Variants in RASSF3 observed in about 807,000 individuals in gnomAD.
RASSF3 encodes the protein ras association domain-containing protein 3.
Under a neutral mutation model 19.9 loss-of-function variants are expected in RASSF3, and 19 were observed. That is an observed-to-expected ratio of 0.96 (90% confidence interval 0.67 to 1.40). The LOEUF is 1.40. Ranked by LOEUF, RASSF3 falls within the 40% of genes most tolerant of loss-of-function variation. The pLI, the probability that RASSF3 is intolerant of heterozygous loss-of-function variation, is 0.00. For missense variants in RASSF3, 306 were observed against 289.8 expected (o/e 1.06, Z -0.41); for synonymous variants, 110 against 104.2 (o/e 1.06, Z -0.34).
intron 1 of RASSF3, among the ~76,000 whole-genome samples, chr12:64,614,374 C>T (rs557876546): frequency 6.6e-6 from 1 of 152,096 alleles, no homozygotes; most frequent in South Asian, 2.1e-4. Context: ...GTGATCTGCC[C>T]GCCTCGGCCT....
intron 1 of RASSF3, among the ~76,000 whole-genome samples, chr12:64,624,473 C>G (rs1870914230): frequency 6.6e-6 from 1 of 151,736 alleles, no homozygotes; most frequent in African/African-American, 2.4e-5. Context: ...CAGGGTCTCA[C>G]TATGTTGCTC....
intron 2 of RASSF3, among the ~76,000 whole-genome samples, chr12:64,551,805 C>T (rs1413315762): frequency 2.0e-5 from 3 of 152,164 alleles, no homozygotes; most frequent in Non-Finnish European, 4.4e-5. Flanking sequence ...TGGTTAACAG[C>T]AGTCTTCAGT....
At chr12:64,606,196 C>T (rs998241243), upstream of RASSF3, among the ~76,000 whole-genome samples, 1 of 152,140 alleles carries the variant, frequency 6.6e-6, no homozygotes, top group Non-Finnish European at 1.5e-5. Context: ...TCTGTGAGAC[C>T]TGTCCATGCC....
rs541188731 is a variant in RASSF3, at chr12:64,682,492, A to G, written c.112-2295A>G. Among the ~76,000 whole-genome samples, 35 of 151,476 alleles carry G rather than the reference A, an allele frequency of 2.3e-4. 1 individual carries two copies. Among genetic ancestry groups the G allele is most frequent in the East Asian group, 1.8e-3 (9 of 5,136 alleles). On this transcript the variant is annotated intron_variant, in intron 1 of 4. Transcript: ENST00000542104. ...TGAGGCAGGAGAATGGCGTGAACCCAGGAGGCGGAGGTTGCAGTGAGCCCA... is the reference window on the plus strand; with the variant it reads ...TGAGGCAGGAGAATGGCGTGAACCCGGGAGGCGGAGGTTGCAGTGAGCCCA...
chr12:64,610,773 C>A (rs1351699026), intron 1 of RASSF3, 30 bp downstream of exon 1: 2 of 1,480,734 alleles, frequency 1.4e-6, no homozygotes, highest in Admixed American at 1.8e-5. Context: ...CGCTGCAGCC[C>A]GCGCCCCAGA....
intron 1 of RASSF3, among the ~76,000 whole-genome samples, chr12:64,535,390 A>G (rs559182658): frequency 1.3e-5 from 2 of 152,118 alleles, no homozygotes; most frequent in African/African-American, 4.8e-5. Flanking sequence ...TTGGAGACAC[A>G]GTCTTGCTGT....
At position 64,675,426 on chromosome 12, in the gene RASSF3, A is replaced by C. The variant is rs867311553; in HGVS notation, c.112-9361A>C. On this transcript the variant is annotated intron_variant, in intron 1 of 4. Coordinates refer to ENST00000542104, the MANE Select transcript of RASSF3 (RefSeq NM_178169.4). ...CGGCCTCCCAAAGTGCTAGGATTAC[A>C]GGCATGAGCCACTGTGCCCGGCCTG... Among the ~76,000 whole-genome samples, 5 of 152,272 alleles carry C rather than the reference A, an allele frequency of 3.3e-5. No individual in the cohort carries two copies. In the South Asian group the frequency reaches 6.2e-4, roughly 19 times the overall value.
intron 2 of RASSF3, among the ~76,000 whole-genome samples, chr12:64,559,377 G>A (rs1869309517): frequency 1.3e-5 from 2 of 151,508 alleles, no homozygotes; most frequent in Admixed American, 6.6e-5. Context: ...CCAAGTAGCT[G>A]GGACTACAGG....
intron 2 of RASSF3, among the ~76,000 whole-genome samples, chr12:64,564,661 C>T (rs577574677): frequency 1.3e-5 from 2 of 152,210 alleles, no homozygotes; most frequent in Admixed American, 1.3e-4. Flanking sequence ...GGATTACAGG[C>T]GTGAGCCACT....
At chr12:64,631,772 G>T (rs35512928) in intron 1 of RASSF3, among the ~76,000 whole-genome samples, 16,578 of 152,056 alleles carry the variant, frequency 0.11, 1,047 homozygotes, top group East Asian at 0.29. Flanking sequence ...GTTTTGCCAT[G>T]TTGGCCAGGC....
chr12:64,567,539 A>C (rs1869450933), intron 2 of RASSF3, among the ~76,000 whole-genome samples: 1 of 152,158 alleles, frequency 6.6e-6, no homozygotes, highest in Non-Finnish European at 1.5e-5. Flanking sequence ...CCACTGACCG[A>C]ACAGAGACAT....
intron 1 of RASSF3, among the ~76,000 whole-genome samples, chr12:64,524,384 G>A (rs1300437514): frequency 6.6e-6 from 1 of 151,974 alleles, no homozygotes; most frequent in African/African-American, 2.4e-5. Flanking sequence ...ACCGCGCCCA[G>A]CCTGTACTTG....
chr12:64,533,897 C>A (rs1013980990), intron 1 of RASSF3, among the ~76,000 whole-genome samples: 1 of 152,140 alleles, frequency 6.6e-6, no homozygotes, highest in African/African-American at 2.4e-5. Flanking sequence ...GAGCTTGGGG[C>A]TTCCTGCGGC....
intron 1 of RASSF3, among the ~76,000 whole-genome samples, chr12:64,664,628 G>A (rs1198198109): frequency 6.6e-6 from 1 of 152,156 alleles, no homozygotes. Flanking sequence ...GGCTCACAAA[G>A]TAAAAAGGGA....
chr12:64,517,314 C>A (rs1039813919), intron 1 of RASSF3, among the ~76,000 whole-genome samples: 1 of 151,762 alleles, frequency 6.6e-6, no homozygotes, highest in Admixed American at 6.6e-5. Context: ...TTCCTCCCCC[C>A]CCCCACTAAG....
rs114480520 is a variant in RASSF3, at chr12:64,520,928, G to A, written c.169+13599G>A. On this transcript the variant is annotated intron_variant, in intron 1 of 5. Coordinates refer to the RASSF3 transcript ENST00000637125. ...ATGTCAAGTGGCTAAACAGCATCCC[G>A]AAGGGCTCCAGATGTAGCCTTCTGA... Among the ~76,000 whole-genome samples the A allele has an allele frequency of 5.9e-3, 905 of 152,174 alleles. 5 individuals are homozygous for A. The highest frequency in any genetic ancestry group is 0.031 in the Middle Eastern group (9 of 294).
intron 1 of RASSF3, 32 bp downstream of exon 1, chr12:64,610,775 C>A (rs756384748): frequency 2.0e-6 from 3 of 1,468,802 alleles, no homozygotes; most frequent in Non-Finnish European, 2.8e-6. Context: ...CTGCAGCCCG[C>A]GCCCCAGAGT....
intron 1 of RASSF3, among the ~76,000 whole-genome samples, chr12:64,639,923 C>A (rs1234661809): frequency 6.6e-6 from 1 of 152,178 alleles, no homozygotes; most frequent in Admixed American, 6.5e-5. Flanking sequence ...TTGCAGAGAT[C>A]TTTTGAGGAA....
intron 1 of RASSF3, among the ~76,000 whole-genome samples, chr12:64,620,085 A>C (rs1345977464): frequency 6.7e-6 from 1 of 149,324 alleles, no homozygotes; most frequent in Non-Finnish European, 1.5e-5. Context: ...CAATGATGCT[A>C]GACTAAGTGC....
Sources: allele counts gnomAD v4.1 joint callset (sites outside exome capture counted in the v4.1 genomes callset), GRCh38; gene constraint gnomAD v4.1.1; transcripts MANE v1.5; gene names NCBI Gene and HGNC (gene_info 2026-07-23, HGNC 2026-07-21).